The following LBX1 variants were observed in gnomAD, a reference collection of about 807,000 sequenced individuals.
LBX1 encodes the protein ladybird homeobox 1.
A neutral mutation model predicts 19.9 loss-of-function variants in LBX1; 6 were observed. That is an observed-to-expected ratio of 0.30 (90% CI 0.17 to 0.60). The LOEUF is 0.60. Ranked by LOEUF, LBX1 falls within the 20% of genes least tolerant of loss-of-function variation. The pLI is 0.87. For missense variants in LBX1, 344 were observed against 393.7 expected (o/e 0.87, Z 1.07); for synonymous variants, 190 against 189.3 (o/e 1.00, Z -0.03).
chr10:101,227,268 G>A lies in LBX1; in HGVS notation c.*2C>T, dbSNP rs150918757. Reference sequence around the variant, plus strand: ...AGGGCGGCGGAAGACCCGGGGCGCCGCTCAATCGTCCACGTCGATCTCTTC... The same window carrying A: ...AGGGCGGCGGAAGACCCGGGGCGCCACTCAATCGTCCACGTCGATCTCTTC... On this transcript the variant is annotated 3_prime_UTR_variant, in exon 2 of 2. Coordinates refer to ENST00000370193, the MANE Select transcript of LBX1 (RefSeq NM_006562.5). The A allele has an allele frequency of 8.4e-4, 1,352 of 1,601,320 alleles. 13 individuals carry two copies. In the African/African-American group the frequency reaches 0.017, roughly 20 times the overall value.
rs764478442 is a variant in LBX1 at position 101,227,503 on chromosome 10, T to G, written c.613A>C (p.Ile205Leu). The change falls in exon 2 of 2, where the codon ATC becomes CTC. Residue 205 changes from isoleucine (I) to leucine (L), a missense_variant. Ile to Leu is a conservative substitution (Grantham distance 5). Transcript: ENST00000370193. Reference sequence around the variant, plus strand: ...TGCTCGAGTTCGGCCAGCGCCACGATGTCCATCTGCCCGCTGGGGCCCAGT... The same window carrying G: ...TGCTCGAGTTCGGCCAGCGCCACGAGGTCCATCTGCCCGCTGGGGCCCAGT... ...KKLGPSGQMDIVALAELEQNS... is the reference protein window; with the variant it reads ...KKLGPSGQMDLVALAELEQNS... 1 of 1,612,252 alleles carries G rather than the reference T, an allele frequency of 6.2e-7. No individual in the cohort carries two copies.
intron 1 of LBX1, among the ~76,000 whole-genome samples, chr10:101,228,234 C>G (rs1207186430): frequency 2.6e-5 from 4 of 152,270 alleles, no homozygotes; most frequent in Middle Eastern, 6.8e-3. Flanking sequence ...CGCAAGGGAG[C>G]CCGGCAAAGC....
Position 101,228,861 on chromosome 10 carries a change from G to A in LBX1, c.-46C>T. On this transcript the variant is annotated 5_prime_UTR_variant, in exon 1 of 2. Coordinates refer to ENST00000370193, the MANE Select transcript of LBX1 (RefSeq NM_006562.5). ...CGGCCGGGGCGGCTCGGGCCGCGGG[G>A]ACCCAGCCCGCGGGCAGCTCGGGCG... The A allele has an allele frequency of 7.7e-7, 1 of 1,300,446 alleles. No homozygotes were observed. Among genetic ancestry groups the A allele is most frequent in the Non-Finnish European group, 9.8e-7 (1 of 1,015,926 alleles). 80.6% of individuals were successfully genotyped at this position (1,300,446 alleles called of 1,614,324 possible).
Position 101,228,593 on chromosome 10 carries a change from C to T in LBX1, c.223G>A (p.Gly75Ser), listed in dbSNP as rs370705329. ...GAGGTCTGCGAGAGCAGCGCGCGGC[C>T]CGCCAGGGGCAAGCCGCCCTGCGCG... ...KHAQGGLPLA[G>S]RALLSQTSPL... Residue 75 changes from glycine (G) to serine (S), a missense_variant, in exon 1 of 2, where the codon GGC becomes AGC. By Grantham distance (56) the Gly-to-Ser change is moderately conservative (BLOSUM62 0). This residue lies in a region of LBX1 where 153 missense variants were observed against 168.9 expected (regional missense o/e 0.91). Coordinates refer to ENST00000370193, the MANE Select transcript of LBX1 (RefSeq NM_006562.5). 27 of 1,557,616 alleles carry T rather than the reference C, an allele frequency of 1.7e-5. No homozygotes were observed. The African/African-American group carries it at 3.4e-4, about 20-fold the overall frequency.
At position 101,228,622 on chromosome 10, in the gene LBX1, T is replaced by G. The variant is rs1218741375; in HGVS notation, c.194A>C (p.Lys65Thr). ...CAGGGGCAAGCCGCCCTGCGCGTGC[T>G]TGTCCGCGGCGGCCAGCAGGTGCGC... ...GAAHLLAAAD[K>T]HAQGGLPLAG... Residue 65 changes from lysine (K) to threonine (T), a missense_variant, in exon 1 of 2, where the codon AAG becomes ACG. Lys to Thr is a moderately conservative substitution (Grantham distance 78). Coordinates refer to ENST00000370193, the MANE Select transcript of LBX1 (RefSeq NM_006562.5). 1.3e-6 allele frequency: 2 copies of G among 1,575,268 alleles called. No homozygotes were observed. Among genetic ancestry groups the G allele is most frequent in the Non-Finnish European group, 1.7e-6 (2 of 1,161,218 alleles).
intron 1 of LBX1, 124 bp from the exon 2 acceptor site, chr10:101,227,914 A>G: frequency 1.1e-6 from 1 of 911,094 alleles, no homozygotes; most frequent in Non-Finnish European, 1.6e-6. Flanking sequence ...TTCCCTTCTC[A>G]GATTTAATTC....
intron 1 of LBX1, 74 bp from the exon 2 acceptor site, chr10:101,227,864 G>A: frequency 1.4e-6 from 2 of 1,418,352 alleles, no homozygotes; most frequent in Non-Finnish European, 1.9e-6. Flanking sequence ...CCGTAACTCC[G>A]TAACCCACCC....
At position 101,228,926 on chromosome 10, in the gene LBX1, C is replaced by A; in HGVS notation, c.-111G>T. ...CAGGCAGCGGCGGGTGGAAAGGAGG[C>A]CGCACTGGGCAGGGCGCGGGCCGGG... On this transcript the variant is annotated 5_prime_UTR_variant, in exon 1 of 2. Transcript: ENST00000370193. 1.6e-6 allele frequency: 1 copy of A among 612,388 alleles called. No homozygotes were observed. Among genetic ancestry groups the A allele is most frequent in the Non-Finnish European group, 2.3e-6 (1 of 441,510 alleles). The allele number at this position is 612,388 out of a possible 1,614,324, so 37.9% of individuals were successfully genotyped here.
chr10:101,227,248 G>A lies in LBX1; in HGVS notation c.*22C>T. ...CTTTCGAGCGCTAGGAGCCCAGGGC[G>A]GCGGAAGACCCGGGGCGCCGCTCAA... On this transcript the variant is annotated 3_prime_UTR_variant, in exon 2 of 2. Coordinates refer to ENST00000370193, the MANE Select transcript of LBX1 (RefSeq NM_006562.5). 1 of 1,594,082 alleles carries A rather than the reference G, an allele frequency of 6.3e-7. No homozygotes were observed. Among genetic ancestry groups the A allele is most frequent in the Non-Finnish European group, 8.5e-7 (1 of 1,173,054 alleles).
rs191570770 is a variant in LBX1 at position 101,229,336 on chromosome 10, G to C, written c.-521C>G. Reference sequence around the variant, plus strand: ...TTTCTCCCTTTTTCCTCTCTTCTTTGCCTCTGTTCTCTCCTCCTGTTCTCG... The same window carrying C: ...TTTCTCCCTTTTTCCTCTCTTCTTTCCCTCTGTTCTCTCCTCCTGTTCTCG... On this transcript the variant is annotated 5_prime_UTR_variant, in exon 1 of 2. Coordinates refer to ENST00000370193, the MANE Select transcript of LBX1 (RefSeq NM_006562.5). The surrounding 1 kb of genome is among the most constrained non-coding windows in gnomAD (Gnocchi z 6.4). 0.02 allele frequency: 3,216 copies of C among 158,398 alleles called. 125 individuals carry two copies. Among genetic ancestry groups the C allele is most frequent in the African/African-American group, 0.074 (3,050 of 41,424 alleles). 9.8% of individuals were successfully genotyped at this position (158,398 alleles called of 1,614,324 possible).
In LBX1 at chr10:101,227,445, C is replaced by T. The variant is rs757749183; in HGVS notation, c.671G>A (p.Gly224Asp). 6.3e-7 allele frequency: 1 copy of T among 1,594,950 alleles called. No individual in the cohort carries two copies. Among genetic ancestry groups the T allele is most frequent in the Admixed American group, 1.7e-5 (1 of 58,818 alleles). Residue 224 changes from glycine (G) to aspartate (D), a missense_variant, in exon 2 of 2, where the codon GGC (glycine) becomes GAC (aspartate). By Grantham distance (94) the Gly-to-Asp change is moderately conservative. Coordinates refer to ENST00000370193, the MANE Select transcript of LBX1 (RefSeq NM_006562.5). ...NSEATAGGGG[G>D]CGRAKSRPGS... ...GGGCCTCGACTTGGCCCTGCCGCAG[C>T]CGCCGCCACCGCCGGCTGTGGCCTC... is the stretch of plus-strand genomic sequence containing the variant.
intron 1 of LBX1, among the ~76,000 whole-genome samples, chr10:101,228,096 G>T (rs186478472): frequency 6.6e-6 from 1 of 152,176 alleles, no homozygotes; most frequent in African/African-American, 2.4e-5. Flanking sequence ...CCCTAATTGC[G>T]GTGTGAATGT....
At chr10:101,227,818 C>T in intron 1 of LBX1, 28 bp from the exon 2 acceptor site, 2 of 1,532,248 alleles carry the variant, frequency 1.3e-6, no homozygotes, top group Non-Finnish European at 8.8e-7. Context: ...TGTAGGCTCG[C>T]GTTGGGAGAG....
rs1351199534 is a variant in LBX1, at chr10:101,229,444, A to C, written c.-629T>G. 8 of 219,142 alleles carry C rather than the reference A, an allele frequency of 3.7e-5. No homozygotes were observed. Among genetic ancestry groups the C allele is most frequent in the East Asian group, 2.0e-4 (1 of 4,988 alleles). The allele number at this position is 219,142 out of a possible 1,614,324, so 13.6% of individuals were successfully genotyped here. On this transcript the variant is annotated 5_prime_UTR_variant, in exon 1 of 2. Coordinates refer to ENST00000370193, the MANE Select transcript of LBX1 (RefSeq NM_006562.5). The surrounding 1 kb of genome is among the most constrained non-coding windows in gnomAD (Gnocchi z 6.4). Reference sequence around the variant, plus strand: ...CTCCCTCTCCCTCGCCCTCTCTTTCACTCTCTGTCTGTCCAATGCAGGCGG... The same window carrying C: ...CTCCCTCTCCCTCGCCCTCTCTTTCCCTCTCTGTCTGTCCAATGCAGGCGG...
rs762655192 is a variant in LBX1 at position 101,227,231 on chromosome 10, C to T, written c.*39G>A. 1.3e-5 allele frequency: 21 copies of T among 1,577,604 alleles called. No homozygotes were observed. The South Asian group carries it at 1.5e-4, about 11-fold the overall frequency. The stretch of plus-strand genomic sequence containing the variant: ...GTCCGGGAGGCGTTGGGCTTTCGAG[C>T]GCTAGGAGCCCAGGGCGGCGGAAGA... On this transcript the variant is annotated 3_prime_UTR_variant, in exon 2 of 2. Transcript: ENST00000370193.
In LBX1 at chr10:101,227,200, G is replaced by A. The variant is rs1314735755; in HGVS notation, c.*70C>T. ...AGAGGAGGTCCCAGCTCCCCTCGGC[G>A]GTCCGGTCCGGGAGGCGTTGGGCTT... On this transcript the variant is annotated 3_prime_UTR_variant, in exon 2 of 2. Transcript: ENST00000370193. 4 of 1,474,958 alleles carry A rather than the reference G, an allele frequency of 2.7e-6. No homozygotes were observed. The highest frequency in any genetic ancestry group is 2.5e-5 in the South Asian group (2 of 80,010). The allele number at this position is 1,474,958 out of a possible 1,614,324, so 91.4% of individuals were successfully genotyped here. A position where few individuals can be genotyped will look rare whatever the true frequency, so the allele number is the denominator to read the frequency against.
rs753609321 is a variant in LBX1, at chr10:101,228,759, C to T, written c.57G>A (p.Pro19=). 2 of 1,599,362 alleles carry T rather than the reference C, an allele frequency of 1.3e-6. No individual in the cohort carries two copies. The highest frequency in any genetic ancestry group is 1.1e-5 in the South Asian group (1 of 89,168). ...AAPGEERRRS[P]LDHLPPPANS... is the part of the protein sequence containing the mutation. ...TGGCAGGCGGAGGCAGGTGGTCCAG[C>T]GGGCTGCGCCGCCGCTCCTCCCCCG... Residue 19 remains proline (P), a synonymous_variant, in exon 1 of 2, where the codon CCG becomes CCA. Coordinates refer to ENST00000370193, the MANE Select transcript of LBX1 (RefSeq NM_006562.5).
chr10:101,228,534 C>G lies in LBX1; in HGVS notation c.282G>C (p.Lys94Asn). The G allele has an allele frequency of 6.4e-7, 1 of 1,555,282 alleles. No individual in the cohort carries two copies. Among genetic ancestry groups the G allele is most frequent in the South Asian group, 1.2e-5 (1 of 84,570 alleles). Residue 94 changes from lysine (K) to asparagine (N), a missense_variant, in exon 1 of 2, where the codon AAG becomes AAC. Transcript: ENST00000370193. ...CGCTGACCTCCAGCCCCTTAAACGT[C>G]TTGCTGGCGAGCTCCTCCAGCGCGC... ...PLCALEELAS[K>N]TFKGLEVSVL...
Position 101,227,367 on chromosome 10 carries a change from A to C in LBX1, c.749T>G (p.Leu250Arg), listed in dbSNP as rs779290896. 6.2e-7 allele frequency: 1 copy of C among 1,607,388 alleles called. No homozygotes were observed. The highest frequency in any genetic ancestry group is 1.7e-5 in the Admixed American group (1 of 59,846). Residue 250 changes from leucine to arginine, a missense_variant, in exon 2 of 2, where the codon CTG (leucine) becomes CGG (arginine). Physicochemically the swap from Leu to Arg is moderately radical, Grantham distance 102. Transcript: ENST00000370193. ...GAPKAPGAGA[L>R]QLSPASPLTD... ...GAGCGGAGAGGCAGGCGAGAGCTGC[A>C]GGGCGCCAGCGCCCGGGGCCTTCGG... is the stretch of plus-strand genomic sequence containing the variant.
Sources: gnomAD v4.1 joint callset for allele counts (sites outside exome capture counted in the v4.1 genomes callset) on GRCh38, gnomAD v4.1.1 for gene constraint, gnomAD v4.1.1 regional missense constraint, Gnocchi (gnomAD v3.1) non-coding constraint, MANE v1.5 for transcripts, NCBI Gene and HGNC (gene_info 2026-07-23, HGNC 2026-07-21) for gene names.